ANK3: variants seen among roughly 807,000 people sequenced by gnomAD.
ANK3 encodes the protein ankyrin-3.
ANK3 carries 57 observed loss-of-function variants against 370.9 expected under a neutral mutation model. The ratio of observed to expected loss-of-function variants is 0.15; its 90% CI spans 0.12 to 0.19. ANK3 has a LOEUF of 0.19. Ranked by LOEUF, ANK3 falls within the 10% of genes least tolerant of loss-of-function variation. The probability of loss-of-function intolerance (pLI) is 1.00; values close to 1 mark genes in which losing one functional copy is unlikely to be tolerated. For synonymous variants in ANK3, 1,929 were observed against 1,946.3 expected, an observed-to-expected ratio of 0.99 and a Z score of 0.23; for missense variants, 4,439 against 5,302.1, an observed-to-expected ratio of 0.84 and a Z score of 5.06.
intron 23 of ANK3, among the ~76,000 whole-genome samples, chr10:60,161,730 G>C (rs907103427): frequency 6.6e-6 from 1 of 152,128 alleles, no homozygotes; most frequent in Non-Finnish European, 1.5e-5. Flanking sequence ...ATGGTTTCAG[G>C]AGGCTGGAAA....
At chr10:60,117,811 C>T (rs1399176434) in intron 25 of ANK3, among the ~76,000 whole-genome samples, 2 of 151,780 alleles carry the variant, frequency 1.3e-5, no homozygotes, top group Non-Finnish European at 2.9e-5. Flanking sequence ...AAGACTCCGT[C>T]TCAAAAAAAA....
chr10:60,493,583 T>C (rs961900576), intron 2 of ANK3, among the ~76,000 whole-genome samples: 4 of 152,030 alleles, frequency 2.6e-5, no homozygotes, highest in African/African-American at 9.7e-5. Context: ...TGAACTAAAT[T>C]TTGGACTATA....
chr10:60,598,508 G>C (rs922406474), intron 2 of ANK3, among the ~76,000 whole-genome samples: 1 of 152,170 alleles, frequency 6.6e-6, no homozygotes, highest in Non-Finnish European at 1.5e-5. Flanking sequence ...CCTTGGAAAT[G>C]TAAAGCAAAG....
At chr10:60,662,289 T>C (rs16915305) in intron 1 of ANK3, among the ~76,000 whole-genome samples, 6,219 of 152,218 alleles carry the variant, frequency 0.041, 160 homozygotes, top group Middle Eastern at 0.075. Context: ...ATCTGAAACA[T>C]AGTATGTGCC....
rs777732848 is a variant in ANK3, at chr10:60,157,335, CTT to C, written c.2614+9254_2614+9255del. On this transcript the variant is annotated intron_variant, in intron 23 of 43. Transcript: ENST00000280772. Reference sequence around the variant, plus strand: ...TACAGGCGTGAGCCACTGTGCCCGGCTTTTTTTTTTTTTTTTTTAAAGGGGTT... The same window carrying C: ...TACAGGCGTGAGCCACTGTGCCCGGCTTTTTTTTTTTTTTTTAAAGGGGTT... Among the ~76,000 whole-genome samples the C allele has an allele frequency of 6.8e-3, 824 of 121,050 alleles. 7 individuals are homozygous for C. The highest frequency in any genetic ancestry group is 7.0e-3 in the Admixed American group (80 of 11,510). The allele number at this position is 121,050 out of a possible 152,430, so 79.4% of individuals were successfully genotyped here.
At chr10:60,432,757 T>C (rs55683151) in intron 2 of ANK3, among the ~76,000 whole-genome samples, 1,566 of 152,282 alleles carry the variant, frequency 0.01, 9 homozygotes, top group Non-Finnish European at 0.018. Flanking sequence ...GAATAAAATG[T>C]TTCTCAGCAT....
intron 2 of ANK3, among the ~76,000 whole-genome samples, chr10:60,576,697 A>T (rs1341429120): frequency 6.6e-6 from 1 of 152,232 alleles, no homozygotes; most frequent in Non-Finnish European, 1.5e-5. Flanking sequence ...CCTTGATACC[A>T]TTCATCAATG....
rs5785463 is a variant in ANK3 at position 60,715,215 on chromosome 10, ATG to A, written c.57+18046_57+18047del. Among the ~76,000 whole-genome samples, 480 of 147,280 alleles carry A rather than the reference ATG, an allele frequency of 3.3e-3. 6 individuals carry two copies. Among genetic ancestry groups the A allele is most frequent in the East Asian group, 0.022 (108 of 4,978 alleles). On this transcript the variant is annotated intron_variant, in intron 1 of 43. Transcript: ENST00000373827. ...CTATTATATATATTTACATATACAA[ATG>A]TGTGTGTGTGTGTGTGTGTGTGTGT...
At chr10:60,718,510 G>C (rs1040057473) in intron 1 of ANK3, among the ~76,000 whole-genome samples, 9 of 151,630 alleles carry the variant, frequency 5.9e-5, no homozygotes, top group Non-Finnish European at 1.0e-4. Flanking sequence ...ACTTAATTTT[G>C]GGCTTCAAAC....
chr10:60,103,244 A>G (rs1413907308), intron 28 of ANK3, among the ~76,000 whole-genome samples: 3 of 152,026 alleles, frequency 2.0e-5, no homozygotes, highest in Non-Finnish European at 4.4e-5. Context: ...ACCACACTGC[A>G]CCCGGCCTAT....
chr10:60,320,804 G>C (rs2132888712), intron 1 of ANK3, among the ~76,000 whole-genome samples: 1 of 152,074 alleles, frequency 6.6e-6, no homozygotes, highest in East Asian at 1.9e-4. Flanking sequence ...CACCAAACAG[G>C]GTGTTCTCAA....
chr10:60,263,907 C>T lies in ANK3; in HGVS notation c.627G>A (p.Ala209=), dbSNP rs147054068. ...CGGCTTTCGTGTCGTCTTTTCGGGC[C>T]GCGATATGAAGAGCTGGGAGACGCA... ...GKVRLPALHI[A]ARKDDTKAAA... Residue 209 remains alanine (A), a synonymous_variant, in exon 6 of 44, where the codon GCG becomes GCA. Coordinates refer to ENST00000280772, the MANE Select transcript of ANK3 (RefSeq NM_020987.5). 1.3e-4 allele frequency: 203 copies of T among 1,614,018 alleles called. 1 individual carries two copies. The African/African-American group carries it at 1.8e-3, about 14-fold the overall frequency.
rs186539461 is a variant in ANK3, at chr10:60,505,101, C to T, written c.96+110085G>A. ...TTTGTAATATTTCAGCGCTCTCTAC[C>T]CCCAATGACAAAATAGCAATATGGC... On this transcript the variant is annotated intron_variant, in intron 2 of 43. Coordinates refer to the ANK3 transcript ENST00000373827. 2.5e-3 allele frequency among the ~76,000 whole-genome samples: 383 copies of T among 152,106 alleles called. 3 individuals carry two copies. The highest frequency in any genetic ancestry group is 8.9e-3 in the African/African-American group (370 of 41,504).
chr10:60,439,438 G>A (rs1306741656), intron 2 of ANK3, among the ~76,000 whole-genome samples: 2 of 152,014 alleles, frequency 1.3e-5, no homozygotes, highest in African/African-American at 2.4e-5. Context: ...TAGGAGGATC[G>A]CTTGAGGCCA....
Position 60,073,963 on chromosome 10 carries a change from C to T in ANK3, c.6918G>A (p.Lys2306=), listed in dbSNP as rs777378746. ...HKSAVSPDVH[K]SAAETSAQHA... ...GCTGGGCTGAGGTTTCAGCAGCAGA[C>T]TTGTGAACATCTGGAGACACTGCCG... Residue 2306 remains lysine, a synonymous_variant, in exon 37 of 44, where the codon AAG becomes AAA. Coordinates refer to ENST00000280772, the MANE Select transcript of ANK3 (RefSeq NM_020987.5). 5.6e-6 allele frequency: 9 copies of T among 1,613,912 alleles called. No homozygotes were observed. The Admixed American group carries it at 1.2e-4, about 21-fold the overall frequency.
intron 2 of ANK3, among the ~76,000 whole-genome samples, chr10:60,434,899 CT>C (rs1235667807): frequency 1.3e-5 from 2 of 152,138 alleles, no homozygotes; most frequent in African/African-American, 2.4e-5. Flanking sequence ...ACTTGAGTTT[CT>C]TTTCAGCAAG....
chr10:60,258,853 C>G lies in ANK3; in HGVS notation c.798+3006G>C, dbSNP rs111352354. ...GGCAGAAAACAGAAATTGCAGCCCC[C>G]CAAGACAAAGGGTGCTGCTGTTTTT... On this transcript the variant is annotated intron_variant, in intron 7 of 43. Transcript: ENST00000280772. 2.7e-3 allele frequency among the ~76,000 whole-genome samples: 406 copies of G among 152,312 alleles called. 2 individuals carry two copies. Among genetic ancestry groups the G allele is most frequent in the Non-Finnish European group, 4.4e-3 (297 of 68,024 alleles).
At chr10:60,186,349 T>TCTC (rs532488784) in intron 17 of ANK3, among the ~76,000 whole-genome samples, 879 of 24,272 alleles carry the variant, frequency 0.036, 11 homozygotes, top group African/African-American at 0.14. Flanking sequence ...CTTTCTGTCT[T>TCTC]TTTTTTTTTT....
chr10:60,680,146 A>G (rs2079176088), intron 1 of ANK3, among the ~76,000 whole-genome samples: 1 of 151,700 alleles, frequency 6.6e-6, no homozygotes, highest in South Asian at 2.1e-4. Flanking sequence ...GGAAAAAAAA[A>G]AAAAGGAAAG....
Sources: allele counts gnomAD v4.1 joint callset (sites outside exome capture counted in the v4.1 genomes callset), GRCh38; gene constraint gnomAD v4.1.1; transcripts MANE v1.5; gene names NCBI Gene and HGNC (gene_info 2026-07-23, HGNC 2026-07-21).